The following IMMP2L variants were observed in gnomAD, a reference collection of about 807,000 sequenced individuals.
IMMP2L encodes mitochondrial inner membrane protease subunit 2.
In IMMP2L, 18 loss-of-function variants were observed where a neutral mutation model predicts 19.3. The observed-to-expected ratio is 0.93, with a 90% CI of 0.64 to 1.38. IMMP2L has a LOEUF of 1.38. IMMP2L is among the 40% of genes most tolerant of loss of function. The probability of loss-of-function intolerance (pLI) is 0.00; values close to 1 mark genes in which losing one functional copy is unlikely to be tolerated. For missense variants in IMMP2L, 233 were observed against 218.2 expected (o/e 1.07, Z -0.43); for synonymous variants, 76 against 73.0 (o/e 1.04, Z -0.21).
intron 5 of IMMP2L, among the ~76,000 whole-genome samples, chr7:110,785,480 G>C (rs78572493): frequency 0.022 from 3,339 of 151,926 alleles, 57 homozygotes; most frequent in Middle Eastern, 0.045. Context: ...TATACAATGA[G>C]CTTGGAGAGC....
chr7:111,124,191 C>T (rs11979902), intron 3 of IMMP2L: 1 of 1,613,844 alleles, frequency 6.2e-7, no homozygotes, highest in Non-Finnish European at 8.5e-7. Flanking sequence ...CAGACAAGTT[C>T]TATGTCCATT....
chr7:111,271,517 C>T (rs548703610), intron 3 of IMMP2L, among the ~76,000 whole-genome samples: 1 of 152,238 alleles, frequency 6.6e-6, no homozygotes, highest in South Asian at 2.1e-4. Flanking sequence ...ACAGGGAAGG[C>T]TTATTAACAC....
chr7:110,782,378 T>G (rs1799800649), intron 5 of IMMP2L, among the ~76,000 whole-genome samples: 1 of 151,894 alleles, frequency 6.6e-6, no homozygotes, highest in South Asian at 2.1e-4. Context: ...TTCTGACAGT[T>G]TTAGTACTTA....
intron 3 of IMMP2L, among the ~76,000 whole-genome samples, chr7:111,456,186 C>G (rs1404190887): frequency 6.6e-6 from 1 of 151,884 alleles, no homozygotes. Context: ...AGATCCTTGA[C>G]TGAACTAAGG....
chr7:111,497,891 ATTAG>A, intron 2 of IMMP2L, among the ~76,000 whole-genome samples: 1 of 151,660 alleles, frequency 6.6e-6, no homozygotes, highest in East Asian at 1.9e-4. Context: ...ATTTTTCACT[ATTAG>A]TATTATATAA....
At chr7:111,083,828 G>A (rs1287995398) in intron 3 of IMMP2L, among the ~76,000 whole-genome samples, 2 of 152,198 alleles carry the variant, frequency 1.3e-5, no homozygotes, top group Non-Finnish European at 2.9e-5. Context: ...TTCTGCATGT[G>A]TACAGCTATG....
At chr7:111,029,378 G>A (rs1251206898) in intron 3 of IMMP2L, among the ~76,000 whole-genome samples, 1 of 152,158 alleles carries the variant, frequency 6.6e-6, no homozygotes, top group Non-Finnish European at 1.5e-5. Flanking sequence ...CTCTAGGGAA[G>A]TACTCTCTCC....
intron 4 of IMMP2L, among the ~76,000 whole-genome samples, chr7:110,892,864 A>C (rs1190292621): frequency 6.6e-6 from 1 of 152,184 alleles, no homozygotes; most frequent in Non-Finnish European, 1.5e-5. Flanking sequence ...TTACATCAAG[A>C]TATGAAACAC....
chr7:111,002,525 A>T (rs1444737905), intron 3 of IMMP2L, among the ~76,000 whole-genome samples: 1 of 152,184 alleles, frequency 6.6e-6, no homozygotes, highest in Non-Finnish European at 1.5e-5. Context: ...TGAGTGCTTC[A>T]AATCTTAAGC....
intron 3 of IMMP2L, among the ~76,000 whole-genome samples, chr7:111,177,077 A>G (rs1020356384): frequency 6.6e-6 from 1 of 152,144 alleles, no homozygotes; most frequent in Non-Finnish European, 1.5e-5. Context: ...AAAGTACTGC[A>G]CAAAAATATT....
intron 3 of IMMP2L, among the ~76,000 whole-genome samples, chr7:111,135,046 G>C (rs1193341398): frequency 6.6e-6 from 1 of 151,992 alleles, no homozygotes. Flanking sequence ...ATACTACTCA[G>C]GCCAATTGTT....
Position 111,258,077 on chromosome 7 carries a change from CAT to C in IMMP2L, c.239+229159_239+229160del, listed in dbSNP as rs553177979. ...TATTTGATTTAATAATTAAGCAAGG[CAT>C]GTTTTCCTAGCACAATGATATGTAA... On this transcript the variant is annotated intron_variant, in intron 3 of 5. Coordinates refer to ENST00000405709, the MANE Select transcript of IMMP2L (RefSeq NM_032549.4). Among the ~76,000 whole-genome samples, 87 of 152,192 alleles carry C rather than the reference CAT, an allele frequency of 5.7e-4. 2 individuals carry two copies. In the South Asian group the frequency reaches 0.017, roughly 29 times the overall value.
In IMMP2L at chr7:111,447,208, G is replaced by A. The variant is rs1316910095; in HGVS notation, c.239+40030C>T. Among the ~76,000 whole-genome samples, 90 of 144,140 alleles carry A rather than the reference G, an allele frequency of 6.2e-4. 1 individual carries two copies. Among genetic ancestry groups the A allele is most frequent in the African/African-American group, 2.0e-3 (76 of 37,680 alleles). The allele number at this position is 144,140 out of a possible 152,430, so 94.6% of individuals were successfully genotyped here. ...TTCAGATTCAGGAAATACAGAGAAC[G>A]CCACAAAGATACTCCTCGAGAAGAG... On this transcript the variant is annotated intron_variant, in intron 3 of 5. Coordinates refer to ENST00000405709, the MANE Select transcript of IMMP2L (RefSeq NM_032549.4).
intron 3 of IMMP2L, among the ~76,000 whole-genome samples, chr7:111,000,669 A>G (rs934444818): frequency 5.9e-5 from 9 of 151,962 alleles, no homozygotes; most frequent in African/African-American, 2.2e-4. Context: ...CATGGTGAAA[A>G]GTCATCTCTA....
intron 3 of IMMP2L, among the ~76,000 whole-genome samples, chr7:111,258,966 G>A (rs894045575): frequency 1.6e-4 from 25 of 152,012 alleles, no homozygotes; most frequent in African/African-American, 5.8e-4. Flanking sequence ...CACAAACCTA[G>A]ATGGTATAGC....
At chr7:111,408,683 C>G (rs1834107501) in intron 3 of IMMP2L, among the ~76,000 whole-genome samples, 1 of 151,716 alleles carries the variant, frequency 6.6e-6, no homozygotes, top group Non-Finnish European at 1.5e-5. Flanking sequence ...ATACTAACTT[C>G]TCATGTATCT....
chr7:110,922,992 A>T (rs1296306078), intron 4 of IMMP2L, among the ~76,000 whole-genome samples: 1 of 152,102 alleles, frequency 6.6e-6, no homozygotes, highest in Non-Finnish European at 1.5e-5. Flanking sequence ...CACCATTACG[A>T]ATTTCTACCT....
intron 3 of IMMP2L, among the ~76,000 whole-genome samples, chr7:111,224,849 ATG>A (rs1479348172): frequency 6.6e-6 from 1 of 152,180 alleles, no homozygotes; most frequent in African/African-American, 2.4e-5. Context: ...CTTCACTGCC[ATG>A]CACTGTCATT....
At chr7:111,548,195 T>C (rs1189916692) in intron 1 of IMMP2L, among the ~76,000 whole-genome samples, 1 of 145,280 alleles carries the variant, frequency 6.9e-6, no homozygotes, top group Non-Finnish European at 1.5e-5. Flanking sequence ...TCCTCTAAAA[T>C]GACCTTCTAT....
Sources: gnomAD v4.1 joint callset for allele counts (sites outside exome capture counted in the v4.1 genomes callset) on GRCh38, gnomAD v4.1.1 for gene constraint, MANE v1.5 for transcripts, NCBI Gene and HGNC (gene_info 2026-07-23, HGNC 2026-07-21) for gene names.